Variants in USP9X observed in about 807,000 individuals in gnomAD.
The protein encoded by USP9X is ubiquitin carboxyl-terminal hydrolase 9X.
USP9X carries 7 observed loss-of-function variants against 190.3 expected under a neutral mutation model. That is an observed-to-expected ratio of 0.04 (90% CI 0.02 to 0.07). The LOEUF is 0.07. Ranked by LOEUF, USP9X falls within the 10% of genes least tolerant of loss-of-function variation. The pLI is 1.00. For missense variants in USP9X, 1,010 were observed against 1,916.9 expected (o/e 0.53, Z 8.83); for synonymous variants, 645 against 659.5 (o/e 0.98, Z 0.34).
chrX:41,189,187 A>G (rs1261022852), intron 25 of USP9X, 122 bp from the exon 26 acceptor site: 1 of 604,016 alleles, frequency 1.7e-6, no homozygotes. Context: ...ACATGCAGCC[A>G]TGGAGAGGCT....
At chrX:41,134,028 G>A (rs1047384446) in intron 4 of USP9X, among the ~76,000 whole-genome samples, 1 of 111,888 alleles carries the variant, frequency 8.9e-6, no homozygotes, top group African/African-American at 3.2e-5. Context: ...CTGATTAATG[G>A]TATTTCATTT....
intron 30 of USP9X, among the ~76,000 whole-genome samples, chrX:41,199,367 G>A (rs1278365474): frequency 1.8e-5 from 2 of 111,911 alleles, no homozygotes; most frequent in Non-Finnish European, 3.8e-5. Context: ...TTAAAAGGTA[G>A]CCAAAGTAAA....
At chrX:41,219,433 C>CGA (rs994139465) in intron 38 of USP9X, among the ~76,000 whole-genome samples, 13 of 109,021 alleles carry the variant, frequency 1.2e-4, no homozygotes, top group African/African-American at 4.3e-4. Flanking sequence ...AGGTCAGAAT[C>CGA]TGTGTTTTGA....
chrX:41,101,079 T>TA (rs1454309169), intron 1 of USP9X, among the ~76,000 whole-genome samples: 1 of 112,098 alleles, frequency 8.9e-6, no homozygotes, highest in Non-Finnish European at 1.9e-5. Flanking sequence ...AGGTACCACA[T>TA]ACTGAATTTA....
At chrX:41,173,055 C>T (rs1344154151) in intron 21 of USP9X, among the ~76,000 whole-genome samples, 1 of 111,623 alleles carries the variant, frequency 9.0e-6, no homozygotes, top group African/African-American at 3.3e-5. Flanking sequence ...CAGCATTTTG[C>T]GTTTTGTGTG....
Position 41,234,760 on chromosome X carries a change from A to G in USP9X, c.*2236A>G, listed in dbSNP as rs1483637910. ...ATTTTTGTAGAGACAGGGTTTCACC[A>G]CGTTGGCCAGGCTGGTCTTGAACTC... On this transcript the variant is annotated 3_prime_UTR_variant, in exon 45 of 45. Coordinates refer to ENST00000378308, the MANE Select transcript of USP9X (RefSeq NM_001039591.3). 1 of 111,361 alleles carries G rather than the reference A, an allele frequency of 9.0e-6. No individual in the cohort carries two copies. Among genetic ancestry groups the G allele is most frequent in the Non-Finnish European group, 1.9e-5 (1 of 53,067 alleles). 9.2% of individuals were successfully genotyped at this position (111,361 alleles called of 1,213,427 possible). A position where few individuals can be genotyped will look rare whatever the true frequency, so the allele number is the denominator to read the frequency against.
At chrX:41,163,425 A>G (rs1343863020) in intron 15 of USP9X, among the ~76,000 whole-genome samples, 2 of 104,773 alleles carry the variant, frequency 1.9e-5, no homozygotes, top group East Asian at 6.3e-4. Flanking sequence ...TTTGGTGATC[A>G]TACACTTAAC....
intron 41 of USP9X, among the ~76,000 whole-genome samples, chrX:41,225,545 AG>A (rs1246995596): frequency 8.9e-6 from 1 of 112,382 alleles, no homozygotes; most frequent in Non-Finnish European, 1.9e-5. Flanking sequence ...AAAAGTCTTC[AG>A]GTAAGTACGG....
At chrX:41,103,086 G>A (rs1017856149) in intron 1 of USP9X, among the ~76,000 whole-genome samples, 1 of 112,324 alleles carries the variant, frequency 8.9e-6, no homozygotes, top group African/African-American at 3.2e-5. Flanking sequence ...GAGCCACCAC[G>A]CCCGGCCTAA....
intron 9 of USP9X, among the ~76,000 whole-genome samples, chrX:41,142,773 C>G (rs1230742255): frequency 8.9e-6 from 1 of 111,842 alleles, no homozygotes; most frequent in Non-Finnish European, 1.9e-5. Flanking sequence ...GATTCATATT[C>G]CAATTCTAGC....
intron 1 of USP9X, among the ~76,000 whole-genome samples, chrX:41,120,894 A>G (rs2062185788): frequency 9.7e-6 from 1 of 103,159 alleles, no homozygotes; most frequent in Admixed American, 1.1e-4. Flanking sequence ...GCTGGAGTGC[A>G]GTGGCCCCAT....
intron 1 of USP9X, among the ~76,000 whole-genome samples, chrX:41,088,781 AG>A (rs2061932138): frequency 9.0e-6 from 1 of 111,222 alleles, no homozygotes. Flanking sequence ...TTTTTCAAAA[AG>A]GGAAAAAACC....
chrX:41,104,213 C>A (rs1473643621), intron 1 of USP9X, among the ~76,000 whole-genome samples: 1 of 111,035 alleles, frequency 9.0e-6, no homozygotes, highest in Admixed American at 9.6e-5. Flanking sequence ...ACTACAGGTG[C>A]ATGCTACCAC....
At chrX:41,121,314 A>C (rs1481660022) in intron 1 of USP9X, among the ~76,000 whole-genome samples, 1 of 111,060 alleles carries the variant, frequency 9.0e-6, no homozygotes, top group Non-Finnish European at 1.9e-5. Context: ...GTCAGATGTG[A>C]ATTAGAGTCC....
chrX:41,181,433 G>A (rs1168978587), intron 21 of USP9X, among the ~76,000 whole-genome samples: 2 of 36,921 alleles, frequency 5.4e-5, no homozygotes, highest in Non-Finnish European at 1.0e-4. Flanking sequence ...CACCACACCT[G>A]ACTTTTTTTT....
chrX:41,232,020 G>A (rs774717954), intron 44 of USP9X, among the ~76,000 whole-genome samples: 1 of 111,751 alleles, frequency 8.9e-6, no homozygotes, highest in African/African-American at 3.2e-5. Context: ...ATGTGGAAGA[G>A]TCAATAGATG....
At position 41,212,368 on chromosome X, in the gene USP9X, G is replaced by A. The variant is rs796574259; in HGVS notation, c.5189+1686G>A. On this transcript the variant is annotated intron_variant, in intron 33 of 44. Coordinates refer to ENST00000378308, the MANE Select transcript of USP9X (RefSeq NM_001039591.3). The stretch of plus-strand genomic sequence containing the variant: ...CTGCCTAGGAAAACCAGAGACCTTT[G>A]TTCACTTGTTTATCTGCTGACCTTC... Among the ~76,000 whole-genome samples, 3 of 100,730 alleles carry A rather than the reference G, an allele frequency of 3.0e-5. No homozygotes were observed. In the East Asian group the frequency reaches 9.3e-4, roughly 31 times the overall value. The allele number at this position is 100,730 out of a possible 115,157, so 87.5% of individuals were successfully genotyped here. A position where few individuals can be genotyped will look rare whatever the true frequency, so the allele number is the denominator to read the frequency against.
chrX:41,104,519 G>T (rs1000456974), intron 1 of USP9X, among the ~76,000 whole-genome samples: 1 of 112,249 alleles, frequency 8.9e-6, no homozygotes, highest in African/African-American at 3.2e-5. Flanking sequence ...AGCAATTGTG[G>T]TGTGTATACC....
chrX:41,215,398 A>G (rs1394235671), intron 34 of USP9X, among the ~76,000 whole-genome samples: 1 of 112,827 alleles, frequency 8.9e-6, no homozygotes, highest in Non-Finnish European at 1.9e-5. Flanking sequence ...GTAAAGCCAT[A>G]CTGCCTGCCA....
Sources: gnomAD v4.1 joint callset for allele counts (sites outside exome capture counted in the v4.1 genomes callset) on GRCh38, gnomAD v4.1.1 for gene constraint, MANE v1.5 for transcripts, NCBI Gene and HGNC (gene_info 2026-07-23, HGNC 2026-07-21) for gene names.